Variants in GRID2 observed in about 807,000 individuals in gnomAD.
GRID2 encodes glutamate ionotropic receptor delta type subunit 2.
In GRID2, 33 loss-of-function variants were observed where a neutral mutation model predicts 114.8. That is an observed-to-expected ratio of 0.29 (90% CI 0.22 to 0.38). The LOEUF is 0.38. Ranked by LOEUF, GRID2 falls within the 10% of genes least tolerant of loss-of-function variation. The pLI, the probability that GRID2 is intolerant of heterozygous loss-of-function variation, is 1.00. For missense variants in GRID2, 1,184 were observed against 1,257.7 expected, an observed-to-expected ratio of 0.94 and a Z score of 0.89; for synonymous variants, 505 against 449.9, an observed-to-expected ratio of 1.12 and a Z score of -1.55.
chr4:92,516,458 G>T (rs2149135812), intron 1 of GRID2, among the ~76,000 whole-genome samples: 1 of 151,940 alleles, frequency 6.6e-6, no homozygotes, highest in Non-Finnish European at 1.5e-5. Flanking sequence ...ATCTTCTCTA[G>T]TAATAGCAAC....
chr4:93,683,193 C>T (rs1010495826), intron 14 of GRID2, among the ~76,000 whole-genome samples: 6 of 151,904 alleles, frequency 3.9e-5, no homozygotes, highest in African/African-American at 1.5e-4. Context: ...TTGAATTGTC[C>T]ACCATTTCCA....
intron 8 of GRID2, among the ~76,000 whole-genome samples, chr4:93,361,863 C>T (rs113449626): frequency 5.2e-4 from 79 of 152,070 alleles, no homozygotes; most frequent in African/African-American, 1.6e-3. Context: ...TTCCAGGAAA[C>T]GTGCAGGATG....
intron 10 of GRID2, among the ~76,000 whole-genome samples, chr4:93,426,013 G>C (rs1768809986): frequency 6.6e-6 from 1 of 152,040 alleles, no homozygotes. Flanking sequence ...GCTAGAATTG[G>C]AATAATTTCT....
chr4:92,650,818 C>G (rs1475335072), intron 2 of GRID2, among the ~76,000 whole-genome samples: 3 of 151,926 alleles, frequency 2.0e-5, no homozygotes, highest in Non-Finnish European at 2.9e-5. Flanking sequence ...TCCTGGCTAT[C>G]AGAGAAACAG....
chr4:92,951,712 C>T (rs2149135356), intron 2 of GRID2, among the ~76,000 whole-genome samples: 1 of 152,226 alleles, frequency 6.6e-6, no homozygotes, highest in Admixed American at 6.6e-5. Context: ...AGTTTTGCAC[C>T]AAACTGTGTG....
intron 14 of GRID2, among the ~76,000 whole-genome samples, chr4:93,701,526 A>G (rs1578607911): frequency 6.6e-6 from 1 of 152,290 alleles, no homozygotes; most frequent in South Asian, 2.1e-4. Context: ...TTTATACTTG[A>G]TAACTCAGTT....
At chr4:93,111,253 A>T (rs1560890619) in intron 4 of GRID2, among the ~76,000 whole-genome samples, 1 of 152,234 alleles carries the variant, frequency 6.6e-6, no homozygotes, top group South Asian at 2.1e-4. Context: ...AAGATCAAGA[A>T]TAAATTCACA....
intron 13 of GRID2, among the ~76,000 whole-genome samples, chr4:93,575,033 T>C (rs1736282627): frequency 6.6e-6 from 1 of 152,160 alleles, no homozygotes; most frequent in Non-Finnish European, 1.5e-5. Context: ...TCTGGCAGCA[T>C]AGCCAGAACA....
At chr4:93,141,580 A>T (rs1481601910) in intron 4 of GRID2, among the ~76,000 whole-genome samples, 2 of 152,226 alleles carry the variant, frequency 1.3e-5, no homozygotes, top group Admixed American at 6.5e-5. Flanking sequence ...TCTTTAAATT[A>T]TGTGTTGAAA....
At chr4:92,850,876 A>C (rs1291798075) in intron 2 of GRID2, among the ~76,000 whole-genome samples, 1 of 151,878 alleles carries the variant, frequency 6.6e-6, no homozygotes, top group Admixed American at 6.6e-5. Context: ...ACTTTAAGTG[A>C]GTCAGTTGTC....
At chr4:93,527,791 ACCATCGCCACCAT>A (rs1197589933) in intron 13 of GRID2, among the ~76,000 whole-genome samples, 3 of 152,094 alleles carry the variant, frequency 2.0e-5, no homozygotes, top group Non-Finnish European at 4.4e-5. Flanking sequence ...TTATTGTGCA[ACCATCGCCACCAT>A]CCATCTCCAC....
intron 1 of GRID2, among the ~76,000 whole-genome samples, chr4:92,487,792 A>G (rs1722966954): frequency 1.3e-5 from 2 of 151,664 alleles, no homozygotes; most frequent in African/African-American, 4.8e-5. Context: ...TTCCTGCTAC[A>G]TAGTGTTGTC....
At chr4:93,784,645 T>TACACACACACACAC (rs59896203) in intron 1 of GRID2, among the ~76,000 whole-genome samples, 19 of 147,736 alleles carry the variant, frequency 1.3e-4, no homozygotes, top group African/African-American at 4.7e-4. Flanking sequence ...GTCCTTTTTA[T>TACACACACACACAC]ACACACACAC....
chr4:93,268,417 C>G (rs1751090141), intron 8 of GRID2, among the ~76,000 whole-genome samples: 1 of 152,158 alleles, frequency 6.6e-6, no homozygotes, highest in Non-Finnish European at 1.5e-5. Context: ...TAGGCCCCAT[C>G]TCCAAATATA....
intron 1 of GRID2, among the ~76,000 whole-genome samples, chr4:92,564,762 A>C (rs936359155): frequency 2.6e-5 from 4 of 152,072 alleles, no homozygotes; most frequent in Non-Finnish European, 5.9e-5. Context: ...TACTTTGTGA[A>C]ACATGTTGAA....
chr4:93,281,473 T>C (rs879376975), intron 8 of GRID2, among the ~76,000 whole-genome samples: 1 of 151,930 alleles, frequency 6.6e-6, no homozygotes, highest in Non-Finnish European at 1.5e-5. Flanking sequence ...TGTTGAGGCA[T>C]TGGAGAGTTT....
intron 2 of GRID2, among the ~76,000 whole-genome samples, chr4:93,054,049 A>T (rs1311873888): frequency 6.6e-6 from 1 of 151,960 alleles, no homozygotes; most frequent in Admixed American, 6.6e-5. Flanking sequence ...AGGCAGTGTT[A>T]GCCATATATT....
intron 8 of GRID2, among the ~76,000 whole-genome samples, chr4:93,265,060 C>G (rs889435783): frequency 6.6e-6 from 1 of 151,680 alleles, no homozygotes; most frequent in Admixed American, 6.6e-5. Context: ...GGATTACAGG[C>G]ATGAGCCACC....
rs374757719 is a variant in GRID2, at chr4:92,679,585, A to G, written c.244+89299A>G. ...TTAATACCTGATTTCTTGAAAAAGC[A>G]TATTGTTAAGGAAGTAAGGTATCTT... On this transcript the variant is annotated intron_variant, in intron 2 of 15. Coordinates refer to ENST00000282020, the MANE Select transcript of GRID2 (RefSeq NM_001510.4). Among the ~76,000 whole-genome samples, 3 of 152,060 alleles carry G rather than the reference A, an allele frequency of 2.0e-5. No individual in the cohort carries two copies. In the East Asian group the frequency reaches 5.8e-4, roughly 29 times the overall value.
Sources: allele counts gnomAD v4.1 joint callset (sites outside exome capture counted in the v4.1 genomes callset), GRCh38; gene constraint gnomAD v4.1.1; transcripts MANE v1.5; gene names NCBI Gene and HGNC (gene_info 2026-07-23, HGNC 2026-07-21).